Variants in DOP1A observed in about 807,000 individuals in gnomAD.
DOP1A encodes the protein protein DOP1A.
In DOP1A, 90 loss-of-function variants were observed where a neutral mutation model predicts 267.6. That is an observed-to-expected ratio of 0.34 (90% CI 0.28 to 0.40). The LOEUF is 0.40. Ranked by LOEUF, DOP1A falls within the 10% of genes least tolerant of loss-of-function variation. The probability of loss-of-function intolerance (pLI) is 1.00; values close to 1 mark genes in which losing one functional copy is unlikely to be tolerated. For synonymous variants in DOP1A, 932 were observed against 999.1 expected (o/e 0.93, Z 1.27); for missense variants, 2,437 against 2,900.4 (o/e 0.84, Z 3.67).
chr6:83,167,835 T>C, intron 38 of DOP1A, 27 bp from the exon 39 acceptor site: 1 of 1,586,588 alleles, frequency 6.3e-7, no homozygotes, highest in Non-Finnish European at 8.6e-7. Context: ...GTTGTATTAA[T>C]ACCAGTTCAC....
chr6:83,088,095 A>G lies in DOP1A; in HGVS notation c.-146-8636A>G, dbSNP rs1769632440. Among the ~76,000 whole-genome samples, 8 of 152,148 alleles carry G rather than the reference A, an allele frequency of 5.3e-5. No individual in the cohort carries two copies. The South Asian group carries it at 1.7e-3, about 32-fold the overall frequency. On this transcript the variant is annotated intron_variant, in intron 1 of 38. Coordinates refer to ENST00000349129, the MANE Select transcript of DOP1A (RefSeq NM_015018.4). ...CACCGTGTTAGCCAGGATGGTCTCG[A>G]TATCCTGACCTCATGATCTACCCCT...
chr6:83,107,160 GT>G (rs1024738100), intron 4 of DOP1A, among the ~76,000 whole-genome samples: 1 of 150,676 alleles, frequency 6.6e-6, no homozygotes, highest in Non-Finnish European at 1.5e-5. Flanking sequence ...GGTTGTTGCT[GT>G]TTTTTTTTCT....
In DOP1A at chr6:83,138,249, A is replaced by G; in HGVS notation, c.4207A>G (p.Ile1403Val). 1.2e-6 allele frequency: 2 copies of G among 1,613,374 alleles called. No homozygotes were observed. The highest frequency in any genetic ancestry group is 8.5e-7 in the Non-Finnish European group (1 of 1,179,910). Reference sequence around the variant, plus strand: ...TAACCCTATAGCTTTTGTAAATGCCATTTCAACTACTAGTGTAAATAATGC... The same window carrying G: ...TAACCCTATAGCTTTTGTAAATGCCGTTTCAACTACTAGTGTAAATAATGC... Reference protein sequence around the residue: ...KTNPIAFVNAISTTSVNNAYT... With the variant: ...KTNPIAFVNAVSTTSVNNAYT... The change falls in exon 21 of 39, where the codon ATT becomes GTT. Residue 1403 changes from isoleucine (I) to valine (V), a missense_variant. This residue lies in a region of DOP1A where 878 missense variants were observed against 992.9 expected (regional missense o/e 0.88). Coordinates refer to ENST00000349129, the MANE Select transcript of DOP1A (RefSeq NM_015018.4).
At chr6:83,166,709 C>T in intron 38 of DOP1A, 1 of 1,221,334 alleles carries the variant, frequency 8.2e-7, no homozygotes, top group Non-Finnish European at 1.0e-6. Flanking sequence ...CAGGATTTTA[C>T]TTTAAAATAA....
chr6:83,142,009 A>C lies in DOP1A; in HGVS notation c.5504A>C (p.Asn1835Thr). ...ATGGCTGCCATTGCATTTGTGTGGA[A>C]TGAAAGAAGACAGAATAAAACAACC... ...HFMAAIAFVWNERRQNKTTTR... is the reference protein window; with the variant it reads ...HFMAAIAFVWTERRQNKTTTR... Residue 1835 changes from asparagine to threonine, a missense_variant, in exon 24 of 39, where the codon AAT becomes ACT. Physicochemically the swap from Asn to Thr is moderately conservative, Grantham distance 65. Around this residue, in one of 9 missense-constraint regions of DOP1A, gnomAD observed 307 missense variants for 308.6 expected, o/e 0.99. Coordinates refer to ENST00000349129, the MANE Select transcript of DOP1A (RefSeq NM_015018.4). The C allele has an allele frequency of 6.2e-7, 1 of 1,612,816 alleles. No individual in the cohort carries two copies. The highest frequency in any genetic ancestry group is 8.5e-7 in the Non-Finnish European group (1 of 1,179,580).
At chr6:83,122,310 A>G (rs1776496360) in intron 11 of DOP1A, among the ~76,000 whole-genome samples, 1 of 151,910 alleles carries the variant, frequency 6.6e-6, no homozygotes, top group Non-Finnish European at 1.5e-5. Flanking sequence ...TGCCACTTGA[A>G]ATAACAAAGT....
At chr6:83,124,948 T>C in intron 13 of DOP1A, 129 bp downstream of exon 13, 1 of 911,560 alleles carries the variant, frequency 1.1e-6, no homozygotes, top group Non-Finnish European at 1.7e-6. Flanking sequence ...TTTGGTAAGC[T>C]TTTTTCATAA....
intron 38 of DOP1A, chr6:83,165,637 G>A: frequency 5.1e-6 from 1 of 195,344 alleles, no homozygotes; most frequent in Non-Finnish European, 1.1e-5. Flanking sequence ...TGCTAGTTGT[G>A]GAAGCAATTT....
intron 4 of DOP1A, among the ~76,000 whole-genome samples, chr6:83,107,577 G>C (rs1773851479): frequency 6.6e-6 from 1 of 152,224 alleles, no homozygotes; most frequent in Admixed American, 6.5e-5. Context: ...CAGTCCGTTG[G>C]AAGAGATAGA....
At chr6:83,082,870 C>G (rs185186536) in intron 1 of DOP1A, among the ~76,000 whole-genome samples, 2 of 149,686 alleles carry the variant, frequency 1.3e-5, no homozygotes, top group Non-Finnish European at 3.0e-5. Flanking sequence ...TGCAGTGGTG[C>G]GGTCTCCACT....
chr6:83,100,725 G>A lies in DOP1A; in HGVS notation c.159G>A (p.Lys53=), dbSNP rs748317042. The A allele has an allele frequency of 5.9e-6, 9 of 1,517,430 alleles. No individual in the cohort carries two copies. Among genetic ancestry groups the A allele is most frequent in the Non-Finnish European group, 7.1e-6 (8 of 1,133,378 alleles). 94.0% of individuals were successfully genotyped at this position (1,517,430 alleles called of 1,614,324 possible). ...KLNKVLQNNA[K]YQVVPKKLTI... Reference sequence around the variant, plus strand: ...TCAAGGTTTTACAAAATAATGCAAAGTACCAAGTAGTACCCAAAAAGCTGA... The same window carrying A: ...TCAAGGTTTTACAAAATAATGCAAAATACCAAGTAGTACCCAAAAAGCTGA... The change falls in exon 4 of 39, where the codon AAG becomes AAA. Residue 53 remains lysine (K), a synonymous_variant. Transcript: ENST00000349129.
intron 15 of DOP1A, among the ~76,000 whole-genome samples, chr6:83,126,675 A>G (rs1369400063): frequency 6.6e-6 from 1 of 152,142 alleles, no homozygotes; most frequent in African/African-American, 2.4e-5. Flanking sequence ...TGTTTGAGTG[A>G]AGCCTTAGAG....
Position 83,156,018 on chromosome 6 carries a change from G to C in DOP1A, c.6519G>C (p.Gln2173His). 1 of 1,614,100 alleles carries C rather than the reference G, an allele frequency of 6.2e-7. No homozygotes were observed. Among genetic ancestry groups the C allele is most frequent in the East Asian group, 2.2e-5 (1 of 44,876 alleles). ...LFANRDVELEQRAMLLKRLAF... is the reference protein window; with the variant it reads ...LFANRDVELEHRAMLLKRLAF... ...CAAACCGTGATGTGGAGCTAGAACAGAGAGCTATGCTTCTTAAAAGATTAG... is the reference window on the plus strand; with the variant it reads ...CAAACCGTGATGTGGAGCTAGAACACAGAGCTATGCTTCTTAAAAGATTAG... Residue 2173 changes from glutamine to histidine, a missense_variant, in exon 34 of 39, where the codon CAG becomes CAC. Coordinates refer to ENST00000349129, the MANE Select transcript of DOP1A (RefSeq NM_015018.4).
At chr6:83,120,890 G>C in intron 10 of DOP1A, 99 bp downstream of exon 10, 1 of 885,302 alleles carries the variant, frequency 1.1e-6, no homozygotes, top group Non-Finnish European at 1.6e-6. Flanking sequence ...ATTTTGAGGT[G>C]GCCTTTAAAT....
intron 1 of DOP1A, among the ~76,000 whole-genome samples, chr6:83,074,699 G>T (rs1010162327): frequency 1.3e-5 from 2 of 152,164 alleles, no homozygotes; most frequent in African/African-American, 4.8e-5. Flanking sequence ...AGGTAGGCTA[G>T]GCTAAGTAAT....
At chr6:83,078,299 T>A (rs1320663589) in intron 1 of DOP1A, among the ~76,000 whole-genome samples, 1 of 152,208 alleles carries the variant, frequency 6.6e-6, no homozygotes, top group Non-Finnish European at 1.5e-5. Flanking sequence ...TAAGAGCACT[T>A]CTTATACGCT....
In DOP1A at chr6:83,167,969, C is replaced by T; in HGVS notation, c.7200C>T (p.Phe2400=). ...VRSMEQLLPF[F]NVLSQVFNSK... ...GTATGGAGCAGCTCCTGCCGTTCTT[C>T]AATGTGCTCAGTCAAGTCTTCAACA... The change falls in exon 39 of 39, where the codon TTC becomes TTT. Residue 2400 remains phenylalanine (F), a synonymous_variant. Coordinates refer to ENST00000349129, the MANE Select transcript of DOP1A (RefSeq NM_015018.4). 1 of 1,614,178 alleles carries T rather than the reference C, an allele frequency of 6.2e-7. No individual in the cohort carries two copies. The highest frequency in any genetic ancestry group is 1.3e-5 in the African/African-American group (1 of 75,054).
rs755935544 is a variant in DOP1A at position 83,124,756 on chromosome 6, A to C, written c.1392A>C (p.Ser464=). The C allele has an allele frequency of 6.2e-7, 1 of 1,613,334 alleles. No individual in the cohort carries two copies. Among genetic ancestry groups the C allele is most frequent in the Non-Finnish European group, 8.5e-7 (1 of 1,179,594 alleles). The part of the protein sequence containing the change: ...LQIGPGDSND[S]SELQLTNFCL... ...TTGGACCTGGAGATAGTAATGACTC[A>C]TCTGAATTACAGCTGACCAATTTCT... The change falls in exon 13 of 39, where the codon TCA becomes TCC. Residue 464 remains serine (S), a synonymous_variant. Coordinates refer to ENST00000349129, the MANE Select transcript of DOP1A (RefSeq NM_015018.4).
At chr6:83,096,023 T>A (rs1428982223) in intron 1 of DOP1A, among the ~76,000 whole-genome samples, 3 of 152,164 alleles carry the variant, frequency 2.0e-5, no homozygotes, top group Admixed American at 6.5e-5. Flanking sequence ...ATTCTTTTCA[T>A]GAGAAATGAG....
Sources: allele counts gnomAD v4.1 joint callset (sites outside exome capture counted in the v4.1 genomes callset), GRCh38; gene constraint gnomAD v4.1.1; regional missense constraint gnomAD v4.1.1; transcripts MANE v1.5; gene names NCBI Gene and HGNC (gene_info 2026-07-23, HGNC 2026-07-21).